MIS18BP1: variants seen among roughly 807,000 people sequenced by gnomAD.
MIS18BP1 encodes mis18-binding protein 1.
Under a neutral mutation model 116.1 loss-of-function variants are expected in MIS18BP1, and 72 were observed. The ratio of observed to expected loss-of-function variants is 0.62; its 90% CI spans 0.51 to 0.75. The LOEUF is 0.75. MIS18BP1 is among the 30% of genes least tolerant of loss of function. The pLI is 0.00. For synonymous variants in MIS18BP1, 386 were observed against 427.0 expected, an observed-to-expected ratio of 0.90 and a Z score of 1.18; for missense variants, 1,363 against 1,303.2, an observed-to-expected ratio of 1.05 and a Z score of -0.71.
chr14:45,223,879 T>G (rs1227741208), intron 11 of MIS18BP1, 39 bp downstream of exon 11: 1 of 1,422,474 alleles, frequency 7.0e-7, no homozygotes, highest in East Asian at 2.3e-5. Flanking sequence ...GTCTTGTGGC[T>G]GCTCTGTAGA....
At position 45,206,064 on chromosome 14, in the gene MIS18BP1, G is replaced by C. The variant is rs763117717; in HGVS notation, c.3240+19C>G. On this transcript the variant is annotated intron_variant, in intron 15 of 16. Coordinates refer to ENST00000310806, the MANE Select transcript of MIS18BP1 (RefSeq NM_018353.5). ...AAAGTTGTTTCATAGATATGTATTG[G>C]ATAAAGAAAAATACTTACTAATTTT... 7.3e-6 allele frequency: 11 copies of C among 1,505,228 alleles called. No individual in the cohort carries two copies. The highest frequency in any genetic ancestry group is 1.0e-5 in the Non-Finnish European group (11 of 1,085,902). The allele number at this position is 1,505,228 out of a possible 1,614,324, so 93.2% of individuals were successfully genotyped here.
At chr14:45,212,408 C>T (rs540616837) in intron 13 of MIS18BP1, among the ~76,000 whole-genome samples, 2 of 152,284 alleles carry the variant, frequency 1.3e-5, no homozygotes, top group South Asian at 2.1e-4. Context: ...GGGAATGTTA[C>T]AGCAGGTTAA....
chr14:45,226,434 A>C (rs901728786), intron 10 of MIS18BP1, among the ~76,000 whole-genome samples: 1 of 152,200 alleles, frequency 6.6e-6, no homozygotes, highest in Admixed American at 6.5e-5. Flanking sequence ...ATTGTACTAA[A>C]TTCATAAAAG....
intron 6 of MIS18BP1, 95 bp downstream of exon 6, chr14:45,235,719 C>A (rs949827238): frequency 1.0e-6 from 1 of 991,682 alleles, no homozygotes. Flanking sequence ...TTTAAAAATA[C>A]CTAATTAAAA....
rs1468041189 is a variant in MIS18BP1 at position 45,204,464 on chromosome 14, G to A, written c.3241-11C>T. 6.3e-7 allele frequency: 1 copy of A among 1,581,696 alleles called. No individual in the cohort carries two copies. Among genetic ancestry groups the A allele is most frequent in the African/African-American group, 1.4e-5 (1 of 72,776 alleles). On this transcript the variant is annotated splice_polypyrimidine_tract_variant and intron_variant, in intron 15 of 16. Coordinates refer to ENST00000310806, the MANE Select transcript of MIS18BP1 (RefSeq NM_018353.5). ...GAAATCAGTTTCAACCTATAAAAGA[G>A]TTACTATTAATAGCTAAATGGTACC...
At chr14:45,210,702 T>C (rs547210143) in intron 13 of MIS18BP1, among the ~76,000 whole-genome samples, 174 bp from the exon 14 acceptor site, 1 of 152,358 alleles carries the variant, frequency 6.6e-6, no homozygotes, top group South Asian at 2.1e-4. Context: ...TTTTAGATGC[T>C]AATTCACCAT....
intron 1 of MIS18BP1, among the ~76,000 whole-genome samples, chr14:45,248,103 T>C (rs1334840368): frequency 1.3e-5 from 2 of 150,616 alleles, no homozygotes; most frequent in South Asian, 2.1e-4. Flanking sequence ...TTCCCTCTTG[T>C]TGCCCAGGCT....
chr14:45,246,802 T>A lies in MIS18BP1; in HGVS notation c.485A>T (p.Tyr162Phe). 3.1e-6 allele frequency: 5 copies of A among 1,591,108 alleles called. No individual in the cohort carries two copies. Among genetic ancestry groups the A allele is most frequent in the Non-Finnish European group, 3.4e-6 (4 of 1,174,236 alleles). Reference sequence around the variant, plus strand: ...GTTGTTTTCCTTTTCTTCACATAGGTAGGTATGCTGCAATTTTTTTTTTTC... The same window carrying A: ...GTTGTTTTCCTTTTCTTCACATAGGAAGGTATGCTGCAATTTTTTTTTTTC... ...RVEKKKLQHTYLCEEKENNKS... is the reference protein window; with the variant it reads ...RVEKKKLQHTFLCEEKENNKS... The change falls in exon 2 of 17, where the codon TAC (tyrosine) becomes TTC (phenylalanine). Residue 162 changes from tyrosine to phenylalanine, a missense_variant. Tyr to Phe is a conservative substitution (Grantham distance 22). Coordinates refer to ENST00000310806, the MANE Select transcript of MIS18BP1 (RefSeq NM_018353.5).
At position 45,237,605 on chromosome 14, in the gene MIS18BP1, T is replaced by C. The variant is rs1178598173; in HGVS notation, c.1217+43A>G. On this transcript the variant is annotated intron_variant, in intron 5 of 16. Coordinates refer to ENST00000310806, the MANE Select transcript of MIS18BP1 (RefSeq NM_018353.5). ...GCATTAACTCTTAAGTGCTTACACATAACTAAAGTTTTATTAAAAGAATAA... is the reference window on the plus strand; with the variant it reads ...GCATTAACTCTTAAGTGCTTACACACAACTAAAGTTTTATTAAAAGAATAA... The C allele has an allele frequency of 1.9e-5, 30 of 1,575,394 alleles. No homozygotes were observed. In the East Asian group the frequency reaches 6.7e-4, roughly 35 times the overall value.
chr14:45,209,355 C>A (rs553024002), intron 14 of MIS18BP1, among the ~76,000 whole-genome samples: 1 of 151,786 alleles, frequency 6.6e-6, no homozygotes, highest in African/African-American at 2.4e-5. Context: ...GAGACAGGAT[C>A]TCACTCTGTT....
rs1286702738 is a variant in MIS18BP1, at chr14:45,210,544, T to G, written c.3004-16A>C. 6.2e-7 allele frequency: 1 copy of G among 1,613,530 alleles called. No individual in the cohort carries two copies. The highest frequency in any genetic ancestry group is 8.5e-7 in the Non-Finnish European group (1 of 1,179,754). ...AACTTGGCAACTAGAAAACAAGTAT[T>G]TATTATCAGCAGGCACCCCATAAAA... On this transcript the variant is annotated splice_polypyrimidine_tract_variant and intron_variant, in intron 13 of 16. Transcript: ENST00000310806.
Position 45,224,727 on chromosome 14 carries a change from A to C in MIS18BP1, c.1860T>G (p.Asp620Glu). ...TTGAGGTTAGAATATCAATGGATAC[A>C]TCCAATTCTTCAGTTGTCTCTTTAA... is the stretch of plus-strand genomic sequence containing the variant. ...SQKQETTEEL[D>E]VSIDILTSRE... Residue 620 changes from aspartate to glutamate, a missense_variant, in exon 11 of 17, where the codon GAT becomes GAG. Transcript: ENST00000310806. The C allele has an allele frequency of 1.3e-6, 2 of 1,576,540 alleles. No homozygotes were observed. The highest frequency in any genetic ancestry group is 1.7e-6 in the Non-Finnish European group (2 of 1,167,668).
chr14:45,222,361 G>A (rs1890998278), intron 11 of MIS18BP1, among the ~76,000 whole-genome samples: 1 of 151,984 alleles, frequency 6.6e-6, no homozygotes, highest in African/African-American at 2.4e-5. Flanking sequence ...ATTTATGTTT[G>A]AAATTATTTC....
chr14:45,210,947 A>G (rs1176130743), intron 13 of MIS18BP1, among the ~76,000 whole-genome samples: 3 of 152,204 alleles, frequency 2.0e-5, no homozygotes, highest in Non-Finnish European at 4.4e-5. Context: ...TCTGCTCAAA[A>G]GTCTCTATTA....
chr14:45,224,531 A>T lies in MIS18BP1; in HGVS notation c.2056T>A (p.Cys686Ser), dbSNP rs751544431. Reference sequence around the variant, plus strand: ...TTGCTGATGGGACTTTTTTTTTGACACTCTGGTATTACAAAATCTGTTACT... The same window carrying T: ...TTGCTGATGGGACTTTTTTTTTGACTCTCTGGTATTACAAAATCTGTTACT... ...KAVTDFVIPE[C>S]QKKSPISKSM... is the part of the protein sequence containing the mutation. Residue 686 changes from cysteine (C) to serine (S), a missense_variant, in exon 11 of 17, where the codon TGT becomes AGT. Cys to Ser is a moderately radical substitution (Grantham distance 112, BLOSUM62 -1). Coordinates refer to ENST00000310806, the MANE Select transcript of MIS18BP1 (RefSeq NM_018353.5). 2.5e-6 allele frequency: 4 copies of T among 1,611,044 alleles called. No individual in the cohort carries two copies. The highest frequency in any genetic ancestry group is 8.5e-7 in the Non-Finnish European group (1 of 1,179,238).
At chr14:45,245,557 T>C (rs1043106667) in intron 2 of MIS18BP1, among the ~76,000 whole-genome samples, 1 of 151,942 alleles carries the variant, frequency 6.6e-6, no homozygotes, top group Non-Finnish European at 1.5e-5. Flanking sequence ...ACAGATGGGG[T>C]TTCTCCACAT....
At chr14:45,231,004 C>G in intron 8 of MIS18BP1, 137 bp downstream of exon 8, 1 of 758,882 alleles carries the variant, frequency 1.3e-6, no homozygotes, top group Non-Finnish European at 1.9e-6. Context: ...AGTGAAGAAG[C>G]AGGAATGTGG....
chr14:45,217,133 G>C lies in MIS18BP1; in HGVS notation c.2889C>G (p.Ala963=), dbSNP rs770682091. ...ADQKQTIKIT[A]KVGTLKRKQQ... ...GCTTCCTTTTAAGAGTTCCCACTTT[G>C]GCAGTTATCTTAATAGTTTGTTTCT... Residue 963 remains alanine (A), a synonymous_variant, in exon 13 of 17, where the codon GCC becomes GCG. Coordinates refer to ENST00000310806, the MANE Select transcript of MIS18BP1 (RefSeq NM_018353.5). The C allele has an allele frequency of 1.2e-6, 2 of 1,614,034 alleles. No homozygotes were observed. Among genetic ancestry groups the C allele is most frequent in the Non-Finnish European group, 1.7e-6 (2 of 1,179,990 alleles).
At chr14:45,225,752 AAACT>A (rs1891107931) in intron 10 of MIS18BP1, among the ~76,000 whole-genome samples, 1 of 152,212 alleles carries the variant, frequency 6.6e-6, no homozygotes, top group Admixed American at 6.5e-5. Context: ...ATGAGAAGTC[AAACT>A]AACTGAAACT....
Sources: allele counts gnomAD v4.1 joint callset (sites outside exome capture counted in the v4.1 genomes callset), GRCh38; gene constraint gnomAD v4.1.1; transcripts MANE v1.5; gene names NCBI Gene and HGNC (gene_info 2026-07-23, HGNC 2026-07-21).